The following MORN2 variants were observed in gnomAD, a reference collection of about 807,000 sequenced individuals.
MORN2 encodes MORN repeat-containing protein 2.
In MORN2, 15 loss-of-function variants were observed where a neutral mutation model predicts 13.4. The ratio of observed to expected loss-of-function variants is 1.12; its 90% confidence interval spans 0.75 to 1.72. The LOEUF is 1.72. Ranked by LOEUF, MORN2 falls within the 40% of genes most tolerant of loss-of-function variation. MORN2 has a pLI of 0.00. For synonymous variants in MORN2, 46 were observed against 43.6 expected, an observed-to-expected ratio of 1.06 and a Z score of -0.22; for missense variants, 168 against 134.6, an observed-to-expected ratio of 1.25 and a Z score of -1.23.
Position 38,882,669 on chromosome 2 carries a change from C to CAAACTA in MORN2, c.*155_*156insAACTAA, listed in dbSNP as rs1665804735. On this transcript the variant is annotated 3_prime_UTR_variant, in exon 5 of 5. Coordinates refer to ENST00000644631, the MANE Select transcript of MORN2 (RefSeq NM_001145450.3). ...CTTACACCTTTTTGAACTTTATATT[C>CAAACTA]ATTGTCTTACAATTAGTTTAAAATA... 2.1e-6 allele frequency: 1 copy of CAAACTA among 475,468 alleles called. No individual in the cohort carries two copies. Among genetic ancestry groups the CAAACTA allele is most frequent in the Non-Finnish European group, 3.8e-6 (1 of 265,898 alleles). 29.5% of individuals were successfully genotyped at this position (475,468 alleles called of 1,614,324 possible).
At chr2:38,882,200 T>A (rs1383386989) in intron 4 of MORN2, among the ~76,000 whole-genome samples, 1 of 151,956 alleles carries the variant, frequency 6.6e-6, no homozygotes, top group Non-Finnish European at 1.5e-5. Context: ...ATTGTTTGTT[T>A]TTGTTTGGAA....
At chr2:38,878,146 T>A (rs572090710) in intron 1 of MORN2, among the ~76,000 whole-genome samples, 3 of 152,322 alleles carry the variant, frequency 2.0e-5, no homozygotes, top group Admixed American at 6.5e-5. Context: ...TTTCGTTGGA[T>A]GTAGAATATT....
rs1665801647 is a variant in MORN2 at position 38,882,527 on chromosome 2, A to G, written c.*12A>G. The G allele has an allele frequency of 2.6e-6, 4 of 1,532,078 alleles. No individual in the cohort carries two copies. Among genetic ancestry groups the G allele is most frequent in the Non-Finnish European group, 3.5e-6 (4 of 1,131,042 alleles). The allele number at this position is 1,532,078 out of a possible 1,614,324, so 94.9% of individuals were successfully genotyped here. On this transcript the variant is annotated 3_prime_UTR_variant, in exon 5 of 5. Transcript: ENST00000644631. ...AGCTTCACATGTAGATGTGATGTTA[A>G]ATTAAAGTTGAAATGTAGTAATTGA...
At chr2:38,877,119 A>G (rs1362493253) in intron 1 of MORN2, among the ~76,000 whole-genome samples, 1 of 152,104 alleles carries the variant, frequency 6.6e-6, no homozygotes, top group Non-Finnish European at 1.5e-5. Context: ...TTAGTTAAAC[A>G]CTTAGAAAGT....
chr2:38,878,778 A>G (rs1426732919), intron 1 of MORN2, among the ~76,000 whole-genome samples: 1 of 152,120 alleles, frequency 6.6e-6, no homozygotes, highest in African/African-American at 2.4e-5. Flanking sequence ...TGAGGATGTT[A>G]CAGTTTAAGT....
In MORN2 at chr2:38,876,907, T is replaced by C. The variant is rs115698499; in HGVS notation, c.58+797T>C. Among the ~76,000 whole-genome samples, 1,220 of 152,280 alleles carry C rather than the reference T, an allele frequency of 8.0e-3. 23 individuals are homozygous for C. The highest frequency in any genetic ancestry group is 0.027 in the African/African-American group (1,114 of 41,556). ...GCATAAGATAATTATTTGTCCAAGG[T>C]CAGAGAAAATGGTGGAGTCTGGATG... On this transcript the variant is annotated intron_variant, in intron 1 of 4. Transcript: ENST00000644631.
At chr2:38,881,781 G>C (rs1010342963) in intron 4 of MORN2, among the ~76,000 whole-genome samples, 3 of 152,160 alleles carry the variant, frequency 2.0e-5, no homozygotes, top group African/African-American at 7.2e-5. Context: ...CACCCAAGTA[G>C]CTGGGTCCAC....
At chr2:38,877,867 A>G (rs1234033111) in intron 1 of MORN2, among the ~76,000 whole-genome samples, 1 of 151,498 alleles carries the variant, frequency 6.6e-6, no homozygotes, top group Non-Finnish European at 1.5e-5. Flanking sequence ...GTGTGATCGG[A>G]CTCACTGCAG....
intron 1 of MORN2, among the ~76,000 whole-genome samples, chr2:38,877,292 TAAATTA>T (rs1665664710): frequency 4.0e-5 from 6 of 150,556 alleles, no homozygotes; most frequent in Non-Finnish European, 5.9e-5. Flanking sequence ...ATAAATAAAT[TAAATTA>T]AATTAAATTA....
chr2:38,879,429 C>A (rs925225095), intron 1 of MORN2, among the ~76,000 whole-genome samples: 1 of 152,000 alleles, frequency 6.6e-6, no homozygotes, highest in African/African-American at 2.4e-5. Context: ...TGTTTCTGTA[C>A]AACATATTTA....
intron 1 of MORN2, among the ~76,000 whole-genome samples, 172 bp from the exon 2 acceptor site, chr2:38,880,007 C>T (rs1041575740): frequency 6.6e-6 from 1 of 152,128 alleles, no homozygotes; most frequent in East Asian, 1.9e-4. Context: ...AGAATGTTTA[C>T]ACTTGGTTGG....
At chr2:38,878,537 T>A (rs559189238) in intron 1 of MORN2, among the ~76,000 whole-genome samples, 100 of 152,152 alleles carry the variant, frequency 6.6e-4, no homozygotes, top group Non-Finnish European at 9.4e-4. Flanking sequence ...AATTAAAAAA[T>A]TTTTTTTCCA....
intron 3 of MORN2, 125 bp downstream of exon 3, chr2:38,880,831 A>G: frequency 9.6e-7 from 1 of 1,043,932 alleles, no homozygotes; most frequent in Non-Finnish European, 1.3e-6. Flanking sequence ...ATAACAAATG[A>G]TCATATTAAC....
intron 1 of MORN2, among the ~76,000 whole-genome samples, chr2:38,878,997 C>T (rs756054795): frequency 2.0e-5 from 3 of 152,180 alleles, no homozygotes; most frequent in Non-Finnish European, 4.4e-5. Flanking sequence ...TCTTCAGTAT[C>T]GGAAAATACA....
chr2:38,880,508 A>G (rs1009023750), intron 2 of MORN2, 92 bp from the exon 3 acceptor site: 14 of 652,426 alleles, frequency 2.1e-5, no homozygotes, highest in Non-Finnish European at 1.9e-5. Context: ...TTTCAGTGCT[A>G]GGGAGCCAAA....
intron 3 of MORN2, 73 bp downstream of exon 3, chr2:38,880,779 A>G (rs1665757572): frequency 1.3e-6 from 2 of 1,510,858 alleles, no homozygotes; most frequent in East Asian, 2.5e-5. Flanking sequence ...GCATTTCACC[A>G]TTAATCAAAA....
In MORN2 at chr2:38,880,578, TCA is replaced by T; in HGVS notation, c.110-21_110-20del. On this transcript the variant is annotated intron_variant, in intron 2 of 4. Transcript: ENST00000644631. ...ACATAACTATTCTCATTTATAATCT[TCA>T]GTTTTTCTCCTCTGTTTAGATGGTG... 1 of 1,446,302 alleles carries T rather than the reference TCA, an allele frequency of 6.9e-7. No homozygotes were observed. Among genetic ancestry groups the T allele is most frequent in the Non-Finnish European group, 9.3e-7 (1 of 1,076,528 alleles). 89.6% of individuals were successfully genotyped at this position (1,446,302 alleles called of 1,614,324 possible).
Position 38,881,443 on chromosome 2 carries a change from T to A in MORN2, c.218T>A (p.Met73Lys). The A allele has an allele frequency of 6.5e-7, 1 of 1,533,260 alleles. No homozygotes were observed. The highest frequency in any genetic ancestry group is 8.8e-7 in the Non-Finnish European group (1 of 1,141,982). 95.0% of individuals were successfully genotyped at this position (1,533,260 alleles called of 1,614,324 possible). The change falls in exon 4 of 5, where the codon ATG becomes AAG. Residue 73 changes from methionine to lysine, a missense_variant and splice_region_variant. Transcript: ENST00000644631. ...GGTAATTTCCTTTGTTACAAACAGA[T>A]GAATGGTTTTGGAAGACTTGAGCAT...
chr2:38,879,943 G>GT (rs1212664331), intron 1 of MORN2, among the ~76,000 whole-genome samples: 1 of 152,224 alleles, frequency 6.6e-6, no homozygotes, highest in Non-Finnish European at 1.5e-5. Context: ...ATCTTGAGAA[G>GT]TAAGTCCATT....
Sources: gnomAD v4.1 joint callset for allele counts (sites outside exome capture counted in the v4.1 genomes callset) on GRCh38, gnomAD v4.1.1 for gene constraint, MANE v1.5 for transcripts, NCBI Gene and HGNC (gene_info 2026-07-23, HGNC 2026-07-21) for gene names.